Variants in MCM3AP observed in about 807,000 individuals in gnomAD.
MCM3AP encodes germinal-center associated nuclear protein.
MCM3AP carries 126 observed loss-of-function variants against 184.1 expected under a neutral mutation model. That is an observed-to-expected ratio of 0.68 (90% confidence interval 0.59 to 0.79). The LOEUF (loss-of-function observed/expected upper bound fraction) is 0.79. Among genes scored for constraint, MCM3AP ranks in the 30% least tolerant of loss-of-function variants. MCM3AP has a pLI of 0.00. For missense variants in MCM3AP, 2,496 were observed against 2,479.2 expected, an observed-to-expected ratio of 1.01 and a Z score of -0.14; for synonymous variants, 1,002 against 979.3, an observed-to-expected ratio of 1.02 and a Z score of -0.43.
Position 46,236,850 on chromosome 21 carries a change from T to C in MCM3AP, c.5763A>G (p.Thr1921=). 6.4e-7 allele frequency: 1 copy of C among 1,560,034 alleles called. No homozygotes were observed. Among genetic ancestry groups the C allele is most frequent in the Non-Finnish European group, 8.6e-7 (1 of 1,160,622 alleles). ...TCACCTGTGGGCTAGTAGTTACAGA[T>C]GTTTTCATCACAGGTTCAATAGTGT... ...LSHTIEPVMK[T]SVTTSPQSDM... The change falls in exon 27 of 28, where the codon ACA becomes ACG. Residue 1921 remains threonine (T), a synonymous_variant. Transcript: ENST00000291688.
At chr21:46,270,648 G>T in intron 8 of MCM3AP, 85 bp from the exon 9 acceptor site, 1 of 1,212,010 alleles carries the variant, frequency 8.3e-7, no homozygotes, top group Non-Finnish European at 1.2e-6. Context: ...ATAAATAATA[G>T]ATTTCACTGG....
chr21:46,266,869 G>C, intron 10 of MCM3AP, 113 bp downstream of exon 10: 1 of 1,150,582 alleles, frequency 8.7e-7, no homozygotes, highest in Non-Finnish European at 1.2e-6. Flanking sequence ...CTGCATGGCA[G>C]AGGGAATGCA....
chr21:46,244,745 G>A, intron 23 of MCM3AP, 62 bp downstream of exon 23: 1 of 1,529,622 alleles, frequency 6.5e-7, no homozygotes, highest in Non-Finnish European at 8.8e-7. Flanking sequence ...TTACTACAGT[G>A]AGAAGGAAGC....
intron 20 of MCM3AP, chr21:46,250,314 C>CAT (rs1362938629): frequency 1.3e-5 from 2 of 152,262 alleles, no homozygotes; most frequent in Non-Finnish European, 2.9e-5. Flanking sequence ...GAGCAAGGAC[C>CAT]ATGGCACAAG....
At chr21:46,254,207 A>G in intron 19 of MCM3AP, 185 bp downstream of exon 19, 2 of 647,900 alleles carry the variant, frequency 3.1e-6, no homozygotes, top group Non-Finnish European at 5.3e-6. Context: ...TAAAAATTGA[A>G]ATAATCAAAT....
At chr21:46,249,529 A>G (rs2080835882) in intron 20 of MCM3AP, 1 of 444,050 alleles carries the variant, frequency 2.3e-6, no homozygotes, top group Non-Finnish European at 4.5e-6. Flanking sequence ...AAACGTAGCT[A>G]AACTATGAAG....
Position 46,235,160 on chromosome 21 carries a change from T to G in MCM3AP, c.*108A>C. 1.6e-6 allele frequency: 2 copies of G among 1,231,624 alleles called. No individual in the cohort carries two copies. The highest frequency in any genetic ancestry group is 2.3e-6 in the Non-Finnish European group (2 of 877,046). The allele number at this position is 1,231,624 out of a possible 1,614,324, so 76.3% of individuals were successfully genotyped here. A position where few individuals can be genotyped will look rare whatever the true frequency, so the allele number is the denominator to read the frequency against. ...ACATTTAAATGGTTTATCTGCATGA[T>G]TAAATTAATCACATTTCCAACAGTG... On this transcript the variant is annotated 3_prime_UTR_variant, in exon 28 of 28. Transcript: ENST00000291688.
chr21:46,250,360 A>G (rs17176793), intron 20 of MCM3AP: 6,542 of 148,922 alleles, frequency 0.044, 183 homozygotes, highest in Non-Finnish European at 0.065. Flanking sequence ...TGCAGTGGCC[A>G]AGAGGACCCC....
intron 5 of MCM3AP, among the ~76,000 whole-genome samples, chr21:46,276,886 C>T (rs7282763): frequency 0.41 from 62,784 of 151,740 alleles, 13,460 homozygotes; most frequent in Admixed American, 0.48. Context: ...TACAGATGCA[C>T]ACCACCGCAC....
chr21:46,240,213 G>A (rs911251308), intron 26 of MCM3AP, among the ~76,000 whole-genome samples: 7 of 152,150 alleles, frequency 4.6e-5, no homozygotes, highest in African/African-American at 1.7e-4. Flanking sequence ...GAGCTGCATG[G>A]TTCGTTTCCA....
intron 24 of MCM3AP, 82 bp from the exon 25 acceptor site, chr21:46,243,013 A>C (rs942149724): frequency 2.3e-6 from 3 of 1,293,038 alleles, no homozygotes; most frequent in Non-Finnish European, 2.1e-6. Context: ...ACACAAAAAA[A>C]CAAAAACAGG....
Position 46,256,877 on chromosome 21 carries a change from T to C in MCM3AP, c.3844A>G (p.Ser1282Gly), listed in dbSNP as rs373406587. The C allele has an allele frequency of 1.8e-5, 28 of 1,595,868 alleles. No homozygotes were observed. In the African/African-American group the frequency reaches 3.8e-4, roughly 21 times the overall value. The change falls in exon 17 of 28, where the codon AGC becomes GGC. Residue 1282 changes from serine to glycine, a missense_variant. Ser to Gly is a moderately conservative substitution (Grantham distance 56). Transcript: ENST00000291688. The part of the protein sequence containing the change: ...VSDRLRALAP[S>G]AECPIAEENL... ...TCTTCAGCAATGGGGCACTCTGCGCTGGGCGCCAGCGCCCTCAGCCGGTCG... is the reference window on the plus strand; with the variant it reads ...TCTTCAGCAATGGGGCACTCTGCGCCGGGCGCCAGCGCCCTCAGCCGGTCG...
At chr21:46,272,476 C>T (rs2081193106) in intron 8 of MCM3AP, 85 bp downstream of exon 8, 1 of 1,345,198 alleles carries the variant, frequency 7.4e-7, no homozygotes, top group East Asian at 2.3e-5. Flanking sequence ...GCACTATTGG[C>T]TACTGCCACT....
chr21:46,263,016 C>T (rs1220681142), intron 13 of MCM3AP, among the ~76,000 whole-genome samples: 7 of 148,210 alleles, frequency 4.7e-5, no homozygotes, highest in Non-Finnish European at 7.5e-5. Context: ...ACCAATATCC[C>T]TCATGAATAT....
chr21:46,263,057 C>T lies in MCM3AP; in HGVS notation c.3335+1060G>A, dbSNP rs140235516. On this transcript the variant is annotated intron_variant, in intron 13 of 27. Transcript: ENST00000291688. ...TAAAAATCCTCAACAAGGCCAGGTG[C>T]GGTGGCTCACACCTGTAATCCCAGC... Among the ~76,000 whole-genome samples the T allele has an allele frequency of 2.7e-4, 41 of 150,738 alleles. No homozygotes were observed. In the East Asian group the frequency reaches 2.8e-3, roughly 10 times the overall value.
chr21:46,260,644 T>G (rs944051095), intron 15 of MCM3AP, 149 bp downstream of exon 15: 42 of 611,728 alleles, frequency 6.9e-5, no homozygotes, highest in Non-Finnish European at 1.1e-4. Flanking sequence ...CACAGAGGAC[T>G]GCATCAAATA....
At chr21:46,275,631 G>A (rs2145703510) in intron 5 of MCM3AP, among the ~76,000 whole-genome samples, 1 of 152,184 alleles carries the variant, frequency 6.6e-6, no homozygotes. Context: ...GACCCTCACT[G>A]CAGATAAAAG....
At chr21:46,247,153 T>G in intron 20 of MCM3AP, 1 of 414,022 alleles carries the variant, frequency 2.4e-6, no homozygotes, top group Non-Finnish European at 4.4e-6. Context: ...GGGGTCTTAT[T>G]ATGTTGCCCA....
At chr21:46,274,969 AAAC>A (rs1457919762) in intron 6 of MCM3AP, among the ~76,000 whole-genome samples, 1 of 152,112 alleles carries the variant, frequency 6.6e-6, no homozygotes, top group African/African-American at 2.4e-5. Flanking sequence ...AGAATTTGAA[AAAC>A]AACTTTATTT....
Sources: gnomAD v4.1 joint callset for allele counts (sites outside exome capture counted in the v4.1 genomes callset) on GRCh38, gnomAD v4.1.1 for gene constraint, MANE v1.5 for transcripts, NCBI Gene and HGNC (gene_info 2026-07-23, HGNC 2026-07-21) for gene names.